ATP1B3: variants seen among roughly 807,000 people sequenced by gnomAD.
ATP1B3 encodes ATPase Na+/K+ transporting subunit beta 3.
In ATP1B3, 10 loss-of-function variants were observed where a neutral mutation model predicts 30.2. The ratio of observed to expected loss-of-function variants is 0.33; its 90% CI spans 0.20 to 0.56. The LOEUF (loss-of-function observed/expected upper bound fraction) is 0.56, where lower values mean the gene tolerates loss of function less well. ATP1B3 is among the 20% of genes least tolerant of loss of function. ATP1B3 has a pLI of 0.90. For synonymous variants in ATP1B3, 113 were observed against 117.0 expected, an observed-to-expected ratio of 0.97 and a Z score of 0.22; for missense variants, 238 against 336.7, an observed-to-expected ratio of 0.71 and a Z score of 2.29.
At chr3:141,887,316 A>T (rs1933855175) in intron 1 of ATP1B3, among the ~76,000 whole-genome samples, 1 of 152,238 alleles carries the variant, frequency 6.6e-6, no homozygotes, top group South Asian at 2.1e-4. Flanking sequence ...AACTGGTCTT[A>T]AATGGGATGT....
At chr3:141,915,238 A>C (rs997955714) in intron 4 of ATP1B3, among the ~76,000 whole-genome samples, 1 of 152,214 alleles carries the variant, frequency 6.6e-6, no homozygotes, top group African/African-American at 2.4e-5. Context: ...ACAGCATCAG[A>C]CACACAGGAA....
chr3:141,878,519 A>C (rs1933650915), intron 1 of ATP1B3, among the ~76,000 whole-genome samples: 1 of 152,248 alleles, frequency 6.6e-6, no homozygotes, highest in East Asian at 1.9e-4. Flanking sequence ...CCTCATTTCC[A>C]GAACGGAGTA....
intron 1 of ATP1B3, among the ~76,000 whole-genome samples, chr3:141,889,218 T>G (rs1363422872): frequency 6.6e-6 from 1 of 152,134 alleles, no homozygotes; most frequent in African/African-American, 2.4e-5. Flanking sequence ...ATGTGGGGAT[T>G]ACAATTTGAG....
chr3:141,911,821 T>G (rs16851950), intron 3 of ATP1B3, among the ~76,000 whole-genome samples: 4,329 of 152,218 alleles, frequency 0.028, 107 homozygotes, highest in East Asian at 0.13. Context: ...TTAGGCGTTC[T>G]TCAGATGCAT....
intron 1 of ATP1B3, among the ~76,000 whole-genome samples, chr3:141,882,264 T>C (rs1933741361): frequency 6.6e-6 from 1 of 152,228 alleles, no homozygotes; most frequent in African/African-American, 2.4e-5. Context: ...TAATTTTGCA[T>C]TCATTCTGTT....
chr3:141,908,582 G>A (rs1477841964), intron 3 of ATP1B3, among the ~76,000 whole-genome samples: 1 of 152,202 alleles, frequency 6.6e-6, no homozygotes, highest in Admixed American at 6.5e-5. Flanking sequence ...ATTACTGGAT[G>A]TAGCTCATCC....
At position 141,902,359 on chromosome 3, in the gene ATP1B3, C is replaced by G. The variant is rs138217905; in HGVS notation, c.110-1261C>G. 5.2e-6 allele frequency: 3 copies of G among 576,356 alleles called. No homozygotes were observed. In the East Asian group the frequency reaches 2.0e-4, roughly 39 times the overall value. The allele number at this position is 576,356 out of a possible 1,614,324, so 35.7% of individuals were successfully genotyped here. A position where few individuals can be genotyped will look rare whatever the true frequency, so the allele number is the denominator to read the frequency against. ...CAGTTGAGAAATAAAAGTTATCTAG[C>G]TTTCAGCACAATCTGTTTTGGGGTC... On this transcript the variant is annotated intron_variant, in intron 1 of 6. Transcript: ENST00000286371.
intron 1 of ATP1B3, among the ~76,000 whole-genome samples, chr3:141,877,239 A>G (rs1370647532): frequency 6.6e-6 from 1 of 151,674 alleles, no homozygotes; most frequent in Non-Finnish European, 1.5e-5. Flanking sequence ...CCCTGCCCGA[A>G]GCCGGGCCCC....
intron 1 of ATP1B3, among the ~76,000 whole-genome samples, chr3:141,891,887 G>A (rs189371400): frequency 1.4e-5 from 2 of 145,612 alleles, no homozygotes; most frequent in African/African-American, 4.9e-5. Flanking sequence ...AGAGAATGTG[G>A]CCTCTTTTTT....
intron 3 of ATP1B3, among the ~76,000 whole-genome samples, chr3:141,911,839 C>T (rs568745630): frequency 1.3e-5 from 2 of 152,250 alleles, no homozygotes; most frequent in African/African-American, 4.8e-5. Context: ...CATAGGGCTC[C>T]TTGGTTACTC....
At chr3:141,887,882 C>T (rs1043060019) in intron 1 of ATP1B3, among the ~76,000 whole-genome samples, 23 of 152,166 alleles carry the variant, frequency 1.5e-4, no homozygotes, top group Non-Finnish European at 1.2e-4. Context: ...AAACCCAGAA[C>T]GGTGGTTGCC....
chr3:141,876,747 CCT>C lies in ATP1B3; in HGVS notation c.-53_-52del. Reference sequence around the variant, plus strand: ...CGGAGCCGGGACGCGCCTCCGCAGCCCTCGCCGCCTCCATCCCCGCGGCCGCA... The same window carrying C: ...CGGAGCCGGGACGCGCCTCCGCAGCCCGCCGCCTCCATCCCCGCGGCCGCA... On this transcript the variant is annotated 5_prime_UTR_variant, in exon 1 of 7. Coordinates refer to ENST00000286371, the MANE Select transcript of ATP1B3 (RefSeq NM_001679.4). 6.3e-6 allele frequency: 9 copies of C among 1,434,368 alleles called. No individual in the cohort carries two copies. Among genetic ancestry groups the C allele is most frequent in the Non-Finnish European group, 8.7e-6 (9 of 1,039,000 alleles). 88.9% of individuals were successfully genotyped at this position (1,434,368 alleles called of 1,614,324 possible).
chr3:141,880,369 G>T (rs1376234984), intron 1 of ATP1B3, among the ~76,000 whole-genome samples: 1 of 152,176 alleles, frequency 6.6e-6, no homozygotes, highest in Non-Finnish European at 1.5e-5. Context: ...AACTAGTTGG[G>T]TGATCCAAGT....
chr3:141,925,821 T>C lies in ATP1B3; in HGVS notation c.*120T>C. 8.1e-7 allele frequency: 1 copy of C among 1,237,854 alleles called. No homozygotes were observed. 76.7% of individuals were successfully genotyped at this position (1,237,854 alleles called of 1,614,324 possible). On this transcript the variant is annotated 3_prime_UTR_variant, in exon 7 of 7. Coordinates refer to ENST00000286371, the MANE Select transcript of ATP1B3 (RefSeq NM_001679.4). Reference sequence around the variant, plus strand: ...GGAGAAAGGTGTGTGGTACATGACATTGGGTTACATCATAACGTGCTTCCA... The same window carrying C: ...GGAGAAAGGTGTGTGGTACATGACACTGGGTTACATCATAACGTGCTTCCA...
chr3:141,903,323 T>G (rs746213716), intron 1 of ATP1B3, among the ~76,000 whole-genome samples: 1 of 152,194 alleles, frequency 6.6e-6, no homozygotes, highest in Non-Finnish European at 1.5e-5. Context: ...AACATTCCCC[T>G]ATGTACTGGA....
chr3:141,917,495 A>G (rs943997385), intron 5 of ATP1B3, among the ~76,000 whole-genome samples: 1 of 151,840 alleles, frequency 6.6e-6, no homozygotes, highest in African/African-American at 2.4e-5. Flanking sequence ...AGAGATCGAG[A>G]CCATCCTGGC....
At chr3:141,901,457 A>G (rs912856029) in intron 1 of ATP1B3, among the ~76,000 whole-genome samples, 1 of 152,346 alleles carries the variant, frequency 6.6e-6, no homozygotes, top group South Asian at 2.1e-4. Context: ...GTTTTTAAAA[A>G]TTAGATTTGG....
chr3:141,883,748 T>A (rs1446656143), intron 1 of ATP1B3, among the ~76,000 whole-genome samples: 1 of 152,328 alleles, frequency 6.6e-6, no homozygotes, highest in East Asian at 1.9e-4. Context: ...TGCAGTATTG[T>A]TTTTAATGGC....
At position 141,907,241 on chromosome 3, in the gene ATP1B3, G is replaced by A. The variant is rs1443024026; in HGVS notation, c.313G>A (p.Gly105Arg). Residue 105 changes from glycine (G) to arginine (R), a missense_variant, in exon 3 of 7, where the codon GGG becomes AGG. This residue lies in a region of ATP1B3 where 130 missense variants were observed against 148.8 expected (regional missense o/e 0.87). Transcript: ENST00000286371. ...TAGGTCTGATCCAACTTCGTATGCA[G>A]GGTACATTGAAGACCTTAAGAAGTT... ...FSRSDPTSYA[G>R]YIEDLKKFLK... 1.2e-6 allele frequency: 2 copies of A among 1,612,416 alleles called. No homozygotes were observed. Among genetic ancestry groups the A allele is most frequent in the East Asian group, 4.5e-5 (2 of 44,850 alleles).
Sources: allele counts gnomAD v4.1 joint callset (sites outside exome capture counted in the v4.1 genomes callset), GRCh38; gene constraint gnomAD v4.1.1; regional missense constraint gnomAD v4.1.1; transcripts MANE v1.5; gene names NCBI Gene and HGNC (gene_info 2026-07-23, HGNC 2026-07-21).